The following NEBL variants were observed in gnomAD, a reference collection of about 807,000 sequenced individuals.
NEBL encodes LIM and SH3 protein 2.
NEBL carries 122 observed loss-of-function variants against 140.2 expected under a neutral mutation model. That is an observed-to-expected ratio of 0.87 (90% CI 0.75 to 1.01). The LOEUF is 1.01. Ranked by LOEUF, NEBL falls within the 50% of genes least tolerant of loss-of-function variation. NEBL has a pLI of 0.00. For synonymous variants in NEBL, 436 were observed against 398.9 expected, an observed-to-expected ratio of 1.09 and a Z score of -1.11; for missense variants, 1,365 against 1,231.3, an observed-to-expected ratio of 1.11 and a Z score of -1.62.
In NEBL at chr10:21,114,923, A is replaced by C. The variant is rs1010513765; in HGVS notation, c.164+57460T>G. On this transcript the variant is annotated intron_variant, in intron 2 of 6. Transcript: ENST00000417816. ...TGTGGCTATTAAAATGATTGAGTTT[A>C]AATATATCGTCATGCTATTTGTTTT... Among the ~76,000 whole-genome samples, 4 of 151,858 alleles carry C rather than the reference A, an allele frequency of 2.6e-5. No individual in the cohort carries two copies. In the East Asian group the frequency reaches 5.8e-4, roughly 22 times the overall value.
At chr10:20,908,096 C>A (rs879933750) in intron 4 of NEBL, among the ~76,000 whole-genome samples, 2 of 152,188 alleles carry the variant, frequency 1.3e-5, no homozygotes, top group Non-Finnish European at 2.9e-5. Flanking sequence ...ATGATCACTG[C>A]ATGCCAAGCA....
chr10:21,227,671 C>CTT (rs1226568560), intron 3 of NEBL, among the ~76,000 whole-genome samples: 1 of 86,974 alleles, frequency 1.1e-5, no homozygotes, highest in Non-Finnish European at 2.3e-5. Flanking sequence ...TCTTCTTCTT[C>CTT]TTCTTCTTCT....
At chr10:21,082,362 T>G (rs1836405372) in intron 2 of NEBL, among the ~76,000 whole-genome samples, 1 of 152,012 alleles carries the variant, frequency 6.6e-6, no homozygotes, top group African/African-American at 2.4e-5. Flanking sequence ...ATTTGGATGG[T>G]TAGAATGTGG....
At chr10:20,976,338 A>T (rs758100388) in intron 3 of NEBL, among the ~76,000 whole-genome samples, 9 of 111,548 alleles carry the variant, frequency 8.1e-5, no homozygotes, top group East Asian at 5.2e-4. Context: ...ACTCTATATT[A>T]AAAAAAAAAA....
At chr10:20,797,755 G>C (rs1836696810) in intron 26 of NEBL, among the ~76,000 whole-genome samples, 1 of 152,070 alleles carries the variant, frequency 6.6e-6, no homozygotes, top group South Asian at 2.1e-4. Flanking sequence ...CAGAACAGTA[G>C]ACAAGTTTAA....
At chr10:21,125,733 T>C in intron 2 of NEBL, 3 of 938,478 alleles carry the variant, frequency 3.2e-6, no homozygotes, top group Non-Finnish European at 3.3e-6. Context: ...AAGTCACATG[T>C]GCTCCACAGG....
At chr10:21,107,678 C>G (rs1482558575) in intron 2 of NEBL, among the ~76,000 whole-genome samples, 1 of 152,118 alleles carries the variant, frequency 6.6e-6, no homozygotes, top group Non-Finnish European at 1.5e-5. Context: ...TGACGCTAGC[C>G]TCATAAAATG....
At chr10:21,130,219 A>T (rs1011053005) in intron 2 of NEBL, among the ~76,000 whole-genome samples, 2 of 152,134 alleles carry the variant, frequency 1.3e-5, no homozygotes, top group African/African-American at 2.4e-5. Context: ...TTTAACATGT[A>T]TGCACCTAAT....
At chr10:21,002,705 G>C (rs1209763241) in intron 3 of NEBL, among the ~76,000 whole-genome samples, 3 of 152,028 alleles carry the variant, frequency 2.0e-5, no homozygotes, top group Non-Finnish European at 4.4e-5. Flanking sequence ...GCGAGCGAAG[G>C]GGGAAGCGCT....
At chr10:20,849,493 G>A (rs1256979601) in intron 11 of NEBL, among the ~76,000 whole-genome samples, 1 of 152,146 alleles carries the variant, frequency 6.6e-6, no homozygotes, top group Non-Finnish European at 1.5e-5. Context: ...CTCATGAATG[G>A]ATTGATGCCA....
intron 13 of NEBL, among the ~76,000 whole-genome samples, 166 bp downstream of exon 13, chr10:20,840,573 G>A (rs187771338): frequency 1.2e-4 from 18 of 151,808 alleles, no homozygotes; most frequent in African/African-American, 3.9e-4. Flanking sequence ...CATAGAAAGG[G>A]GATTTTAAAA....
intron 8 of NEBL, 58 bp downstream of exon 8, chr10:20,859,653 TTC>T: frequency 8.8e-7 from 1 of 1,138,918 alleles, no homozygotes; most frequent in Non-Finnish European, 1.3e-6. Flanking sequence ...ACACAGTCGA[TTC>T]TAAAAAAAAC....
rs147982517 is a variant in NEBL at position 20,937,474 on chromosome 10, C to T, written c.357+24198G>A. Among the ~76,000 whole-genome samples, 829 of 152,172 alleles carry T rather than the reference C, an allele frequency of 5.4e-3. 6 individuals are homozygous for T. The highest frequency in any genetic ancestry group is 0.019 in the African/African-American group (784 of 41,528). ...AGCCAGGGGGTGGAGACAAGATGGT[C>T]GAATAGGAACAGCTCCAGTCTACAG... On this transcript the variant is annotated intron_variant, in intron 4 of 6. Transcript: ENST00000417816.
chr10:20,884,717 G>A (rs986629187), intron 4 of NEBL, among the ~76,000 whole-genome samples: 3 of 152,214 alleles, frequency 2.0e-5, no homozygotes, highest in Admixed American at 6.5e-5. Context: ...TGTGACCACC[G>A]TGGATGAAAC....
At chr10:20,936,396 C>T (rs1834487241) in intron 4 of NEBL, among the ~76,000 whole-genome samples, 1 of 152,196 alleles carries the variant, frequency 6.6e-6, no homozygotes, top group African/African-American at 2.4e-5. Flanking sequence ...TTATGCCTAA[C>T]AGGCTATTGC....
rs188863732 is a variant in NEBL at position 21,091,506 on chromosome 10, T to G, written c.165-71305A>C. Reference sequence around the variant, plus strand: ...ACACAAAACAAAAATACTTCACTTCTTTATCCAATTAGCTATCAGTACCTC... The same window carrying G: ...ACACAAAACAAAAATACTTCACTTCGTTATCCAATTAGCTATCAGTACCTC... On this transcript the variant is annotated intron_variant, in intron 2 of 6. Coordinates refer to the NEBL transcript ENST00000417816. Among the ~76,000 whole-genome samples the G allele has an allele frequency of 2.4e-4, 31 of 128,498 alleles. No homozygotes were observed. In the East Asian group the frequency reaches 3.5e-3, roughly 15 times the overall value. The allele number at this position is 128,498 out of a possible 152,430, so 84.3% of individuals were successfully genotyped here. A position where few individuals can be genotyped will look rare whatever the true frequency, so the allele number is the denominator to read the frequency against.
intron 1 of NEBL, among the ~76,000 whole-genome samples, chr10:21,284,568 T>C (rs548753059): frequency 6.6e-6 from 1 of 152,326 alleles, no homozygotes; most frequent in African/African-American, 2.4e-5. Flanking sequence ...ATTTTAGAAC[T>C]AACTCTTAAT....
chr10:21,100,382 A>G (rs973678969), intron 2 of NEBL, among the ~76,000 whole-genome samples: 1 of 152,158 alleles, frequency 6.6e-6, no homozygotes, highest in African/African-American at 2.4e-5. Flanking sequence ...TCACTCGCAA[A>G]CTCTGCTCCA....
At chr10:21,220,348 A>G (rs932868128) in intron 3 of NEBL, among the ~76,000 whole-genome samples, 2 of 152,214 alleles carry the variant, frequency 1.3e-5, no homozygotes, top group Non-Finnish European at 2.9e-5. Context: ...AATCCACACT[A>G]TTATGATCAA....
Sources: allele counts gnomAD v4.1 joint callset (sites outside exome capture counted in the v4.1 genomes callset), GRCh38; gene constraint gnomAD v4.1.1; transcripts MANE v1.5; gene names NCBI Gene and HGNC (gene_info 2026-07-23, HGNC 2026-07-21).